The following THSD7A variants were observed in gnomAD, a reference collection of about 807,000 sequenced individuals.
THSD7A encodes the protein thrombospondin type-1 domain-containing protein 7A.
THSD7A carries 96 observed loss-of-function variants against 231.3 expected under a neutral mutation model. The observed-to-expected ratio is 0.41, with a 90% confidence interval of 0.35 to 0.49. The LOEUF is 0.49. Ranked by LOEUF, THSD7A falls within the 20% of genes least tolerant of loss-of-function variation. THSD7A has a pLI of 0.05. For synonymous variants in THSD7A, 940 were observed against 743.3 expected (o/e 1.26, Z -4.30); for missense variants, 2,290 against 2,070.2 (o/e 1.11, Z -2.06).
chr7:11,604,962 A>C (rs957780383), intron 2 of THSD7A, among the ~76,000 whole-genome samples: 1 of 152,026 alleles, frequency 6.6e-6, no homozygotes, highest in Non-Finnish European at 1.5e-5. Flanking sequence ...ACTGGGACTC[A>C]TGTTACTGCT....
At chr7:11,608,883 C>T (rs1313116469) in intron 2 of THSD7A, among the ~76,000 whole-genome samples, 1 of 152,118 alleles carries the variant, frequency 6.6e-6, no homozygotes, top group Admixed American at 6.6e-5. Context: ...CACATGTTTC[C>T]TATTTCTCCC....
chr7:11,635,152 G>C (rs1476212228), intron 2 of THSD7A, among the ~76,000 whole-genome samples: 2 of 152,116 alleles, frequency 1.3e-5, no homozygotes, highest in African/African-American at 4.8e-5. Flanking sequence ...AGGGAAATTT[G>C]TCTTATATGT....
intron 2 of THSD7A, among the ~76,000 whole-genome samples, chr7:11,596,801 A>T (rs910286768): frequency 6.6e-6 from 1 of 152,182 alleles, no homozygotes; most frequent in African/African-American, 2.4e-5. Context: ...GCTATACCAG[A>T]TGTGGCTTCA....
chr7:11,569,259 A>G (rs1185197313), intron 4 of THSD7A, among the ~76,000 whole-genome samples: 2 of 152,194 alleles, frequency 1.3e-5, no homozygotes, highest in African/African-American at 4.8e-5. Flanking sequence ...CTGATATGGG[A>G]GAAAATATTT....
intron 1 of THSD7A, among the ~76,000 whole-genome samples, chr7:11,777,701 T>A: frequency 6.6e-6 from 1 of 152,136 alleles, no homozygotes; most frequent in East Asian, 1.9e-4. Context: ...GAGGAAGGCG[T>A]TGGAGAAATC....
At chr7:11,671,487 C>G (rs1430803663) in intron 1 of THSD7A, among the ~76,000 whole-genome samples, 1 of 152,114 alleles carries the variant, frequency 6.6e-6, no homozygotes, top group Non-Finnish European at 1.5e-5. Context: ...TTCTGTTCAT[C>G]TGGCCTTGTG....
intron 13 of THSD7A, among the ~76,000 whole-genome samples, chr7:11,438,404 A>C (rs1462385594): frequency 1.3e-4 from 20 of 151,992 alleles, no homozygotes; most frequent in Non-Finnish European, 1.5e-5. Flanking sequence ...ACTGGTATGA[A>C]AGCAAATTTT....
chr7:11,460,544 G>A (rs138498260), intron 11 of THSD7A, 118 bp downstream of exon 11: 1 of 670,140 alleles, frequency 1.5e-6, no homozygotes, highest in African/African-American at 1.9e-5. Flanking sequence ...ATGGCTCATA[G>A]CAGATTTATA....
intron 4 of THSD7A, among the ~76,000 whole-genome samples, chr7:11,548,948 A>T (rs1001741316): frequency 5.9e-5 from 9 of 152,038 alleles, no homozygotes; most frequent in Admixed American, 5.9e-4. Flanking sequence ...AGACAAGAAT[A>T]CCCACTTGAG....
Position 11,517,578 on chromosome 7 carries a change from C to T in THSD7A, c.1822+23841G>A, listed in dbSNP as rs767852067. Among the ~76,000 whole-genome samples the T allele has an allele frequency of 2.6e-5, 4 of 152,268 alleles. No individual in the cohort carries two copies. The South Asian group carries it at 8.3e-4, about 32-fold the overall frequency. On this transcript the variant is annotated intron_variant, in intron 6 of 27. Transcript: ENST00000423059. ...GCATATCATAATATTTTGACATCAG[C>T]TTTTGATTGCCATTTTACCTCAAGT...
chr7:11,638,186 T>C (rs751625050), intron 1 of THSD7A, among the ~76,000 whole-genome samples: 7 of 152,208 alleles, frequency 4.6e-5, no homozygotes, highest in Non-Finnish European at 1.0e-4. Flanking sequence ...TGCAAGAGGT[T>C]TCTACTGTGG....
rs141575832 is a variant in THSD7A at position 11,768,668 on chromosome 7, G to A, written c.190+63089C>T. On this transcript the variant is annotated intron_variant, in intron 1 of 27. Coordinates refer to ENST00000423059, the MANE Select transcript of THSD7A (RefSeq NM_015204.3). ...TTCACAGTTTCATTAAAAAGGTGTC[G>A]GCAGACTTCCCATGTGTAATATTTT... Among the ~76,000 whole-genome samples the A allele has an allele frequency of 7.1e-4, 108 of 152,132 alleles. No homozygotes were observed. The East Asian group carries it at 0.013, about 18-fold the overall frequency.
rs1372591387 is a variant in THSD7A at position 11,424,753 on chromosome 7, A to G, written c.3326T>C (p.Val1109Ala). Residue 1109 changes from valine (V) to alanine (A), a missense_variant, in exon 16 of 28, where the codon GTG becomes GCG. Coordinates refer to ENST00000423059, the MANE Select transcript of THSD7A (RefSeq NM_015204.3). ...WVTEPWSICK[V>A]TFVNMRENCG... ...GTTCTCCCGCATATTCACAAAGGTC[A>G]CCTTGCAGATGCTCCAGGGCTCTGT... 2 of 1,613,842 alleles carry G rather than the reference A, an allele frequency of 1.2e-6. No individual in the cohort carries two copies. Among genetic ancestry groups the G allele is most frequent in the Non-Finnish European group, 1.7e-6 (2 of 1,179,886 alleles).
intron 6 of THSD7A, among the ~76,000 whole-genome samples, chr7:11,519,203 G>T (rs1194014945): frequency 1.3e-5 from 2 of 152,052 alleles, no homozygotes; most frequent in Admixed American, 6.6e-5. Context: ...GCAAACACCT[G>T]GGTAATCGCT....
chr7:11,515,440 T>A lies in THSD7A; in HGVS notation c.1822+25979A>T, dbSNP rs1583886592. Among the ~76,000 whole-genome samples the A allele has an allele frequency of 1.3e-5, 2 of 151,772 alleles. 1 individual carries two copies. Among genetic ancestry groups the A allele is most frequent in the South Asian group, 4.2e-4 (2 of 4,802 alleles). On this transcript the variant is annotated intron_variant, in intron 6 of 27. Transcript: ENST00000423059. The stretch of plus-strand genomic sequence containing the variant: ...ACCTACCTTTTGGCTGAAAGAAGAC[T>A]CTGTAAATGCACAAGGCAGATAATT...
chr7:11,579,843 C>G (rs1212645891), intron 4 of THSD7A, among the ~76,000 whole-genome samples: 1 of 152,068 alleles, frequency 6.6e-6, no homozygotes, highest in African/African-American at 2.4e-5. Flanking sequence ...ATGGGGAAAA[C>G]AAGGCTTTTC....
Position 11,577,076 on chromosome 7 carries a change from T to C in THSD7A, c.1453+13384A>G, listed in dbSNP as rs568487076. ...TATTCTCTAATTATCAGGTTAGTTA[T>C]GTATTAATGGGAAAACACTATCTAC... On this transcript the variant is annotated intron_variant, in intron 4 of 27. Transcript: ENST00000423059. 2.0e-5 allele frequency among the ~76,000 whole-genome samples: 3 copies of C among 152,318 alleles called. No individual in the cohort carries two copies. In the East Asian group the frequency reaches 5.8e-4, roughly 29 times the overall value.
chr7:11,703,435 G>A (rs568257908), intron 1 of THSD7A, among the ~76,000 whole-genome samples: 87 of 151,232 alleles, frequency 5.8e-4, no homozygotes, highest in African/African-American at 2.1e-3. Context: ...ATTCAAACTT[G>A]AGTCAGTATA....
chr7:11,747,806 G>A (rs1041239668), intron 1 of THSD7A, among the ~76,000 whole-genome samples: 3 of 151,914 alleles, frequency 2.0e-5, no homozygotes, highest in African/African-American at 7.2e-5. Context: ...TATTTACTTT[G>A]AGCCTTAAGG....
Sources: allele counts gnomAD v4.1 joint callset (sites outside exome capture counted in the v4.1 genomes callset), GRCh38; gene constraint gnomAD v4.1.1; transcripts MANE v1.5; gene names NCBI Gene and HGNC (gene_info 2026-07-23, HGNC 2026-07-21).